Variants in RALGPS2 observed in about 807,000 individuals in gnomAD.
RALGPS2 encodes the protein Ral GEF with PH domain and SH3 binding motif 2, also known as ras-specific guanine nucleotide-releasing factor RalGPS2.
Under a neutral mutation model 86.8 loss-of-function variants are expected in RALGPS2, and 43 were observed. The ratio of observed to expected loss-of-function variants is 0.50; its 90% CI spans 0.39 to 0.64. The LOEUF (loss-of-function observed/expected upper bound fraction) is 0.64. Among genes scored for constraint, RALGPS2 ranks in the 30% least tolerant of loss-of-function variants. The probability of loss-of-function intolerance (pLI) is 0.00; values close to 1 mark genes in which losing one functional copy is unlikely to be tolerated. For synonymous variants in RALGPS2, 243 were observed against 231.3 expected (o/e 1.05, Z -0.46); for missense variants, 536 against 694.6 (o/e 0.77, Z 2.57).
chr1:178,885,510 C>G (rs1659443122), intron 12 of RALGPS2: 1 of 241,408 alleles, frequency 4.1e-6, no homozygotes, highest in South Asian at 1.2e-4. Flanking sequence ...AGAGTTACAA[C>G]CTTTATATCA....
chr1:178,753,793 G>T (rs1416760539), intron 1 of RALGPS2: 2 of 151,976 alleles, frequency 1.3e-5, no homozygotes, highest in African/African-American at 2.4e-5. Context: ...CTGTCTATTG[G>T]ATGTGTAGCT....
chr1:178,776,567 A>G (rs1653095436), intron 1 of RALGPS2, 115 bp from the exon 2 acceptor site: 2 of 440,486 alleles, frequency 4.5e-6, no homozygotes, highest in Middle Eastern at 5.5e-4. Context: ...GAGCTAAGAT[A>G]ATAAATAGAG....
intron 7 of RALGPS2, among the ~76,000 whole-genome samples, chr1:178,824,404 A>C (rs1454598361): frequency 6.6e-6 from 1 of 152,234 alleles, no homozygotes; most frequent in Admixed American, 6.5e-5. Flanking sequence ...TGGTGGCAAT[A>C]ATCTAGTAGA....
intron 1 of RALGPS2, among the ~76,000 whole-genome samples, chr1:178,735,643 T>C (rs962200762): frequency 5.3e-5 from 8 of 150,054 alleles, no homozygotes; most frequent in African/African-American, 2.0e-4. Flanking sequence ...TTTCACCATA[T>C]TTGATTGGTG....
chr1:178,736,941 C>T (rs1650746006), intron 1 of RALGPS2, among the ~76,000 whole-genome samples: 1 of 152,286 alleles, frequency 6.6e-6, no homozygotes, highest in Non-Finnish European at 1.5e-5. Flanking sequence ...TAATCCCTAA[C>T]TTAAGAAATT....
intron 1 of RALGPS2, among the ~76,000 whole-genome samples, chr1:178,773,136 A>C (rs1298493481): frequency 6.6e-6 from 1 of 152,198 alleles, no homozygotes. Flanking sequence ...TTGAGAAATA[A>C]CGTCTGCTAT....
intron 2 of RALGPS2, among the ~76,000 whole-genome samples, chr1:178,782,070 A>G (rs1030808357): frequency 6.6e-6 from 1 of 152,196 alleles, no homozygotes; most frequent in African/African-American, 2.4e-5. Context: ...TCTTAGCTTT[A>G]TCAGAGAATT....
At chr1:178,862,927 C>T (rs1259551434) in intron 8 of RALGPS2, among the ~76,000 whole-genome samples, 4 of 152,276 alleles carry the variant, frequency 2.6e-5, no homozygotes, top group African/African-American at 4.8e-5. Context: ...AACAGAGTTA[C>T]ACCAGTTGGC....
chr1:178,886,329 G>A (rs1446659038), intron 13 of RALGPS2, among the ~76,000 whole-genome samples: 2 of 152,232 alleles, frequency 1.3e-5, no homozygotes, highest in Admixed American at 1.3e-4. Flanking sequence ...TTTGAAGAAG[G>A]TGGAAAAAGA....
At chr1:178,850,010 G>A (rs1299336725) in intron 8 of RALGPS2, 1 of 152,656 alleles carries the variant, frequency 6.6e-6, no homozygotes, top group Non-Finnish European at 1.5e-5. Flanking sequence ...TAAAGTTGTT[G>A]ATTGCAAAGA....
Position 178,833,417 on chromosome 1 carries a change from T to C in RALGPS2, c.481-7T>C. ...AAATAACTTAGGTTTTTCTGTTTGT[T>C]TTTTAGTTATTAAGTCGAAAAGACA... On this transcript the variant is annotated splice_polypyrimidine_tract_variant and splice_region_variant and intron_variant, in intron 7 of 19. Transcript: ENST00000367635. 4.7e-6 allele frequency: 7 copies of C among 1,503,772 alleles called. No homozygotes were observed. The highest frequency in any genetic ancestry group is 5.3e-6 in the Non-Finnish European group (6 of 1,139,502). The allele number at this position is 1,503,772 out of a possible 1,614,324, so 93.2% of individuals were successfully genotyped here. A position where few individuals can be genotyped will look rare whatever the true frequency, so the allele number is the denominator to read the frequency against.
intron 4 of RALGPS2, among the ~76,000 whole-genome samples, chr1:178,788,296 A>G (rs1215825466): frequency 1.3e-5 from 2 of 152,152 alleles, no homozygotes; most frequent in Non-Finnish European, 2.9e-5. Flanking sequence ...CTGGATGCCT[A>G]TTGTATGCCT....
At chr1:178,853,124 T>C in intron 8 of RALGPS2, 1 of 985,410 alleles carries the variant, frequency 1.0e-6, no homozygotes, top group Non-Finnish European at 1.2e-6. Context: ...ATTGTCATTC[T>C]CTTTTTGTTT....
chr1:178,775,189 TCTATGAAGTAGGTACTTATTATCC>T (rs1653018300), intron 1 of RALGPS2, among the ~76,000 whole-genome samples: 1 of 152,158 alleles, frequency 6.6e-6, no homozygotes. Context: ...TCACCACAAC[TCTATGAAGTAGGTACTTATTATCC>T]CTATTTTATA....
chr1:178,856,220 T>G (rs879643123), intron 8 of RALGPS2, among the ~76,000 whole-genome samples: 4,164 of 79,734 alleles, frequency 0.052, 443 homozygotes, highest in African/African-American at 0.14. Flanking sequence ...TATATATATA[T>G]ATATATATAT....
intron 1 of RALGPS2, 137 bp downstream of exon 1, chr1:178,725,556 T>A (rs1649926027): frequency 6.6e-6 from 1 of 151,610 alleles, no homozygotes; most frequent in South Asian, 2.0e-4. Flanking sequence ...GCCCCGGGGC[T>A]GCTCGCCCTG....
intron 7 of RALGPS2, among the ~76,000 whole-genome samples, chr1:178,826,396 T>A (rs1163407323): frequency 1.3e-5 from 2 of 152,210 alleles, no homozygotes; most frequent in African/African-American, 2.4e-5. Flanking sequence ...TGATACATGC[T>A]GCACCATGAA....
At chr1:178,799,278 A>T (rs977116251) in intron 4 of RALGPS2, among the ~76,000 whole-genome samples, 1 of 151,856 alleles carries the variant, frequency 6.6e-6, no homozygotes, top group Admixed American at 6.6e-5. Flanking sequence ...TGACCTCATG[A>T]TCCGTCTGCC....
At chr1:178,817,654 A>G (rs1655298663) in intron 6 of RALGPS2, among the ~76,000 whole-genome samples, 2 of 152,170 alleles carry the variant, frequency 1.3e-5, no homozygotes, top group Non-Finnish European at 2.9e-5. Context: ...TTTCTACAAC[A>G]TGGCCTGCTT....
Sources: gnomAD v4.1 joint callset for allele counts (sites outside exome capture counted in the v4.1 genomes callset) on GRCh38, gnomAD v4.1.1 for gene constraint, MANE v1.5 for transcripts, NCBI Gene and HGNC (gene_info 2026-07-23, HGNC 2026-07-21) for gene names.